Variants in RERE observed in about 807,000 individuals in gnomAD.
RERE encodes the protein arginine-glutamic acid dipeptide repeats.
Under a neutral mutation model 146.1 loss-of-function variants are expected in RERE, and 40 were observed. The ratio of observed to expected loss-of-function variants is 0.27; its 90% CI spans 0.21 to 0.36. The LOEUF is 0.36. Ranked by LOEUF, RERE falls within the 10% of genes least tolerant of loss-of-function variation. The pLI, the probability that RERE is intolerant of heterozygous loss-of-function variation, is 1.00. For synonymous variants in RERE, 1,003 were observed against 866.0 expected (o/e 1.16, Z -2.78); for missense variants, 1,933 against 2,138.7 (o/e 0.90, Z 1.90).
intron 10 of RERE, among the ~76,000 whole-genome samples, chr1:8,479,645 A>C (rs1190962449): frequency 1.3e-5 from 2 of 152,206 alleles, no homozygotes; most frequent in Non-Finnish European, 2.9e-5. Flanking sequence ...CCACAGCCAA[A>C]ATGTGCAAAC....
intron 7 of RERE, among the ~76,000 whole-genome samples, chr1:8,532,342 T>A (rs1435446039): frequency 6.6e-6 from 1 of 151,254 alleles, no homozygotes; most frequent in African/African-American, 2.4e-5. Context: ...ATAACAACTT[T>A]CTCTGTTCTC....
At chr1:8,442,384 C>G (rs867613596) in intron 11 of RERE, among the ~76,000 whole-genome samples, 24 of 123,506 alleles carry the variant, frequency 1.9e-4, no homozygotes, top group African/African-American at 7.8e-4. Context: ...AAGACTCCAT[C>G]TTAAAAAAAA....
At chr1:8,382,168 T>C (rs1196275639) in intron 12 of RERE, among the ~76,000 whole-genome samples, 1 of 152,230 alleles carries the variant, frequency 6.6e-6, no homozygotes, top group Non-Finnish European at 1.5e-5. Context: ...AGCAAGAGGC[T>C]CTGGGATTAT....
intron 4 of RERE, among the ~76,000 whole-genome samples, chr1:8,600,033 T>C (rs1646602691): frequency 6.6e-6 from 1 of 152,204 alleles, no homozygotes. Flanking sequence ...TGGAGATAAA[T>C]GGATCACGGC....
intron 1 of RERE, among the ~76,000 whole-genome samples, chr1:8,771,469 A>C (rs190208854): frequency 0.014 from 2,153 of 151,610 alleles, 45 homozygotes; most frequent in African/African-American, 0.048. Context: ...GGTTGCAGTG[A>C]GCTGAGATTG....
intron 1 of RERE, among the ~76,000 whole-genome samples, chr1:8,764,882 C>T (rs1640819149): frequency 6.6e-6 from 1 of 152,208 alleles, no homozygotes; most frequent in African/African-American, 2.4e-5. Flanking sequence ...CTGCAAGGTT[C>T]ATGCATTGCT....
At chr1:8,403,116 T>C (rs2784737) in intron 12 of RERE, among the ~76,000 whole-genome samples, 111,595 of 151,852 alleles carry the variant, frequency 0.73, 41,505 homozygotes, top group East Asian at 0.92. Flanking sequence ...CCTGGCTGGT[T>C]GCAAATTCCT....
At chr1:8,393,785 T>C (rs1480958916) in intron 12 of RERE, among the ~76,000 whole-genome samples, 3 of 152,212 alleles carry the variant, frequency 2.0e-5, no homozygotes, top group Non-Finnish European at 2.9e-5. Context: ...AAATCAACTA[T>C]GGATTACTAG....
intron 4 of RERE, among the ~76,000 whole-genome samples, chr1:8,558,856 C>T (rs1646037797): frequency 6.8e-6 from 1 of 146,346 alleles, no homozygotes; most frequent in African/African-American, 2.5e-5. Flanking sequence ...AGTGCAGTGG[C>T]GTGATCTCGG....
chr1:8,383,990 G>A (rs941605109), intron 12 of RERE, among the ~76,000 whole-genome samples: 4 of 152,150 alleles, frequency 2.6e-5, no homozygotes, highest in Non-Finnish European at 4.4e-5. Context: ...ACAAACTCCA[G>A]AATGAAAATT....
intron 1 of RERE, among the ~76,000 whole-genome samples, chr1:8,660,608 C>T (rs1384548993): frequency 6.6e-6 from 1 of 152,210 alleles, no homozygotes; most frequent in Non-Finnish European, 1.5e-5. Flanking sequence ...CTGGCTTGCA[C>T]AGGAACTCCT....
At chr1:8,543,353 CT>C (rs1347206064) in intron 6 of RERE, among the ~76,000 whole-genome samples, 4 of 152,170 alleles carry the variant, frequency 2.6e-5, no homozygotes, top group African/African-American at 9.7e-5. Context: ...AAATAGGTTC[CT>C]TTAGCAGTAA....
chr1:8,466,070 C>CAGGACACAATCGATCCA (rs756157810), intron 10 of RERE, 47 bp from the exon 11 acceptor site: 19 of 1,506,702 alleles, frequency 1.3e-5, no homozygotes, highest in Admixed American at 1.8e-5. Context: ...AAATAACAGA[C>CAGGACACAATCGATCCA]AGGACACAAT....
intron 4 of RERE, among the ~76,000 whole-genome samples, chr1:8,585,048 T>C (rs1423471958): frequency 6.6e-6 from 1 of 150,392 alleles, no homozygotes; most frequent in Non-Finnish European, 1.5e-5. Context: ...ACTGGGAGGC[T>C]GAGGTAGGAG....
intron 4 of RERE, among the ~76,000 whole-genome samples, chr1:8,571,362 C>G (rs1014403456): frequency 6.6e-6 from 1 of 152,164 alleles, no homozygotes; most frequent in Admixed American, 6.5e-5. Flanking sequence ...CTGAATTAAA[C>G]CCTGAGTGTA....
intron 1 of RERE, among the ~76,000 whole-genome samples, chr1:8,688,218 G>A (rs770542969): frequency 3.4e-4 from 52 of 152,250 alleles, no homozygotes; most frequent in Non-Finnish European, 2.8e-4. Context: ...CAGGAGGATC[G>A]CTTGAACCAA....
intron 7 of RERE, among the ~76,000 whole-genome samples, chr1:8,538,457 A>G (rs1036998162): frequency 6.6e-6 from 1 of 152,040 alleles, no homozygotes; most frequent in African/African-American, 2.4e-5. Context: ...GTTTTTCTAC[A>G]CTCTGTTAAA....
intron 1 of RERE, among the ~76,000 whole-genome samples, chr1:8,775,951 G>T (rs1283983131): frequency 6.6e-6 from 1 of 152,156 alleles, no homozygotes; most frequent in Non-Finnish European, 1.5e-5. Context: ...AACCCAGGCG[G>T]TCTTGGATTC....
In RERE at chr1:8,358,737, C is replaced by A. The variant is rs778552205; in HGVS notation, c.3798G>T (p.Ser1266=). The change falls in exon 20 of 23, where the codon TCG becomes TCT. Residue 1266 remains serine (S), a synonymous_variant. Coordinates refer to ENST00000400908, the MANE Select transcript of RERE (RefSeq NM_001042681.2). The part of the protein sequence containing the change: ...LSEYARPHVM[S]PTNRNHPFYM... Reference sequence around the variant, plus strand: ...AGAAGGGGTGGTTGCGGTTGGTGGGCGACATGACGTGGGGCCGGGCGTACT... The same window carrying A: ...AGAAGGGGTGGTTGCGGTTGGTGGGAGACATGACGTGGGGCCGGGCGTACT... 6.2e-7 allele frequency: 1 copy of A among 1,607,304 alleles called. No homozygotes were observed. The highest frequency in any genetic ancestry group is 2.2e-5 in the East Asian group (1 of 44,744).
Sources: gnomAD v4.1 joint callset for allele counts (sites outside exome capture counted in the v4.1 genomes callset) on GRCh38, gnomAD v4.1.1 for gene constraint, MANE v1.5 for transcripts, NCBI Gene and HGNC (gene_info 2026-07-23, HGNC 2026-07-21) for gene names.